Variants in RAE1 observed in about 807,000 individuals in gnomAD.
RAE1 encodes the protein mRNA export factor RAE1.
Under a neutral mutation model 52.7 loss-of-function variants are expected in RAE1, and 13 were observed. That is an observed-to-expected ratio of 0.25 (90% CI 0.16 to 0.39). The LOEUF (loss-of-function observed/expected upper bound fraction) is 0.39. Ranked by LOEUF, RAE1 falls within the 10% of genes least tolerant of loss-of-function variation. RAE1 has a pLI of 1.00. For missense variants in RAE1, 262 were observed against 459.8 expected (o/e 0.57, Z 3.93); for synonymous variants, 164 against 153.1 (o/e 1.07, Z -0.52).
intron 4 of RAE1, chr20:57,359,690 T>C (rs2066862509): frequency 6.6e-6 from 1 of 152,254 alleles, no homozygotes; most frequent in African/African-American, 2.4e-5. Context: ...TCCCACTGTT[T>C]TGCCACATAG....
chr20:57,356,575 TA>T (rs1172874720), intron 4 of RAE1, 37 bp downstream of exon 4: 16 of 1,523,068 alleles, frequency 1.1e-5, no homozygotes, highest in Admixed American at 1.7e-5. Flanking sequence ...CCATTTTACT[TA>T]AAGTACAGAA....
At chr20:57,362,165 T>C (rs1210563134) in intron 4 of RAE1, among the ~76,000 whole-genome samples, 3 of 152,218 alleles carry the variant, frequency 2.0e-5, no homozygotes, top group Non-Finnish European at 4.4e-5. Context: ...CCACAAAGGT[T>C]GGGGACCGCT....
intron 3 of RAE1, among the ~76,000 whole-genome samples, chr20:57,355,390 A>G (rs2066769981): frequency 6.6e-6 from 1 of 152,092 alleles, no homozygotes; most frequent in Non-Finnish European, 1.5e-5. Context: ...ACTTTTTTTT[A>G]TTAAATTAAC....
chr20:57,352,555 C>A (rs2066725659), intron 1 of RAE1, among the ~76,000 whole-genome samples: 1 of 152,162 alleles, frequency 6.6e-6, no homozygotes, highest in African/African-American at 2.4e-5. Context: ...AAGGTGTGGT[C>A]CACACTGACT....
At chr20:57,354,240 AC>A (rs1206118597) in intron 2 of RAE1, 112 bp downstream of exon 2, 1 of 821,156 alleles carries the variant, frequency 1.2e-6, no homozygotes, top group African/African-American at 1.7e-5. Flanking sequence ...AAGCTTTGAA[AC>A]TTTGTCTAAC....
Position 57,374,718 on chromosome 20 carries a change from CAGTT to C in RAE1, c.940_943del (p.Leu314IlefsTer48). On this transcript the variant is annotated frameshift_variant, in exon 11 of 12. Transcript: ENST00000395841. LOFTEE classifies it high-confidence loss of function. ...CAGAACAAAACTAAAAACTTCGGAACAGTTAGATCAGCCCATCTCAGCTTGCTGT... is the reference window on the plus strand; with the variant it reads ...CAGAACAAAACTAAAAACTTCGGAACAGATCAGCCCATCTCAGCTTGCTGT... The C allele has an allele frequency of 6.2e-7, 1 of 1,614,230 alleles. No individual in the cohort carries two copies. Among genetic ancestry groups the C allele is most frequent in the Non-Finnish European group, 8.5e-7 (1 of 1,180,046 alleles).
At chr20:57,359,795 AT>A (rs2146142305) in intron 4 of RAE1, 1 of 152,368 alleles carries the variant, frequency 6.6e-6, no homozygotes, top group East Asian at 1.9e-4. Flanking sequence ...TTAATGCATT[AT>A]GCAGAAGGTA....
intron 8 of RAE1, chr20:57,373,073 A>C: frequency 4.1e-6 from 1 of 242,286 alleles, no homozygotes; most frequent in South Asian, 5.0e-5. Flanking sequence ...CAGAGCCTGC[A>C]TCCCTCCTCC....
intron 1 of RAE1, chr20:57,351,859 G>A (rs2066714714): frequency 1.0e-6 from 1 of 985,274 alleles, no homozygotes; most frequent in African/African-American, 1.7e-5. Context: ...TTCTGTCTTA[G>A]CCCGCCAAGT....
chr20:57,356,617 A>T, intron 4 of RAE1, 79 bp downstream of exon 4: 53 of 1,212,738 alleles, frequency 4.4e-5, no homozygotes, highest in Middle Eastern at 1.9e-4. Flanking sequence ...TCCAAACACA[A>T]ATAGCATATA....
intron 1 of RAE1, among the ~76,000 whole-genome samples, chr20:57,353,330 A>G (rs2066738280): frequency 6.6e-6 from 1 of 152,228 alleles, no homozygotes; most frequent in South Asian, 2.1e-4. Flanking sequence ...GCAGAGCAGG[A>G]AAATGAAGAC....
rs1465138945 is a variant in RAE1, at chr20:57,378,320, G to C, written c.*221G>C. ...TGCAGAGTTTTTCTGTAACTAAGGG[G>C]GTTGAGGTTATTGTAGACGTTAGAT... On this transcript the variant is annotated 3_prime_UTR_variant, in exon 12 of 12. Transcript: ENST00000395841. The C allele has an allele frequency of 2.0e-6, 1 of 508,368 alleles. No homozygotes were observed. Among genetic ancestry groups the C allele is most frequent in the African/African-American group, 1.9e-5 (1 of 52,632 alleles). 31.5% of individuals were successfully genotyped at this position (508,368 alleles called of 1,614,324 possible).
chr20:57,367,335 A>G (rs1047493451), intron 7 of RAE1, among the ~76,000 whole-genome samples: 5 of 152,178 alleles, frequency 3.3e-5, no homozygotes, highest in African/African-American at 1.2e-4. Flanking sequence ...AGCTAGCTAC[A>G]TGCCATCTCT....
chr20:57,375,841 T>C (rs1343052998), intron 11 of RAE1, among the ~76,000 whole-genome samples: 1 of 152,174 alleles, frequency 6.6e-6, no homozygotes, highest in Non-Finnish European at 1.5e-5. Flanking sequence ...TCCATACAGC[T>C]CTCCTCCCTG....
chr20:57,357,835 G>A (rs550635713), intron 4 of RAE1: 3 of 149,850 alleles, frequency 2.0e-5, no homozygotes, highest in Non-Finnish European at 4.4e-5. Flanking sequence ...TCATATTATG[G>A]CTAGGGGCCA....
chr20:57,373,881 T>C (rs2146176890), intron 10 of RAE1, 143 bp downstream of exon 10: 1 of 897,342 alleles, frequency 1.1e-6, no homozygotes, highest in Non-Finnish European at 1.7e-6. Context: ...TGCTGTAGGC[T>C]TCAGGTTTCT....
At chr20:57,374,556 T>C in intron 10 of RAE1, 51 bp from the exon 11 acceptor site, 2 of 1,533,334 alleles carry the variant, frequency 1.3e-6, no homozygotes, top group East Asian at 2.3e-5. Context: ...GGGTGGAACC[T>C]TCTCTGCGCC....
chr20:57,366,849 A>G lies in RAE1; in HGVS notation c.418A>G (p.Asn140Asp). The change falls in exon 6 of 12, where the codon AAC (asparagine) becomes GAC (aspartate). Residue 140 changes from asparagine (N) to aspartate (D), a missense_variant. Transcript: ENST00000395841. ...AACCATCCATTGGATCAAAGCTCCA[A>G]ACTACAGCTGTGTGATGACTGGGAG... is the stretch of plus-strand genomic sequence containing the variant. ...VKTIHWIKAP[N>D]YSCVMTGSWD... 1 of 1,613,982 alleles carries G rather than the reference A, an allele frequency of 6.2e-7. No individual in the cohort carries two copies. Among genetic ancestry groups the G allele is most frequent in the Non-Finnish European group, 8.5e-7 (1 of 1,179,828 alleles).
rs1461181865 is a variant in RAE1, at chr20:57,379,106, G to C, written c.*1007G>C. ...CTGTTTGGACTAATGTGTGAAGTCTGACTTGCTGAGTGTAAAATTCTAGTA... is the reference window on the plus strand; with the variant it reads ...CTGTTTGGACTAATGTGTGAAGTCTCACTTGCTGAGTGTAAAATTCTAGTA... On this transcript the variant is annotated 3_prime_UTR_variant, in exon 12 of 12. Transcript: ENST00000395841. 6.6e-6 allele frequency: 1 copy of C among 152,142 alleles called. No homozygotes were observed. The highest frequency in any genetic ancestry group is 1.5e-5 in the Non-Finnish European group (1 of 68,046). 9.4% of individuals were successfully genotyped at this position (152,142 alleles called of 1,614,324 possible). A position where few individuals can be genotyped will look rare whatever the true frequency, so the allele number is the denominator to read the frequency against.
Sources: allele counts gnomAD v4.1 joint callset (sites outside exome capture counted in the v4.1 genomes callset), GRCh38; gene constraint gnomAD v4.1.1; transcripts MANE v1.5; gene names NCBI Gene and HGNC (gene_info 2026-07-23, HGNC 2026-07-21).